Variants in PHLPP1 observed in about 807,000 individuals in gnomAD.
PHLPP1 encodes PH domain leucine-rich repeat-containing protein phosphatase 1.
In PHLPP1, 42 loss-of-function variants were observed where a neutral mutation model predicts 117.2. That is an observed-to-expected ratio of 0.36 (90% CI 0.28 to 0.46). The LOEUF (loss-of-function observed/expected upper bound fraction) is 0.46. PHLPP1 is among the 20% of genes least tolerant of loss of function. The pLI is 1.00. For synonymous variants in PHLPP1, 1,042 were observed against 970.7 expected (o/e 1.07, Z -1.37); for missense variants, 2,084 against 2,241.9 (o/e 0.93, Z 1.42).
intron 14 of PHLPP1, among the ~76,000 whole-genome samples, chr18:62,969,409 A>C (rs1419799052): frequency 1.3e-5 from 2 of 152,004 alleles, no homozygotes; most frequent in African/African-American, 4.8e-5. Context: ...GAATCCTTTA[A>C]ACTTATTTAG....
intron 2 of PHLPP1, among the ~76,000 whole-genome samples, chr18:62,831,720 A>T (rs901397441): frequency 1.3e-5 from 2 of 152,196 alleles, no homozygotes; most frequent in Non-Finnish European, 2.9e-5. Context: ...CCACATGTGT[A>T]TGGTAATAAA....
chr18:62,839,041 T>A, intron 3 of PHLPP1, 132 bp downstream of exon 3: 1 of 905,734 alleles, frequency 1.1e-6, no homozygotes, highest in Non-Finnish European at 1.6e-6. Flanking sequence ...TGCCAGTGAT[T>A]AGCAATTTTT....
intron 6 of PHLPP1, among the ~76,000 whole-genome samples, chr18:62,899,900 C>A (rs1916668590): frequency 6.6e-6 from 1 of 152,216 alleles, no homozygotes; most frequent in Non-Finnish European, 1.5e-5. Context: ...AACTCTTGGG[C>A]TCAAGTTGTT....
At chr18:62,861,540 T>C (rs1300542710) in intron 4 of PHLPP1, among the ~76,000 whole-genome samples, 1 of 152,248 alleles carries the variant, frequency 6.6e-6, no homozygotes, top group African/African-American at 2.4e-5. Context: ...ATTAAACCTT[T>C]GATACTTATA....
At chr18:62,749,860 A>T (rs1002951153) in intron 1 of PHLPP1, among the ~76,000 whole-genome samples, 1 of 152,180 alleles carries the variant, frequency 6.6e-6, no homozygotes, top group Non-Finnish European at 1.5e-5. Flanking sequence ...TACTAAAAAT[A>T]TAAAAATTAG....
intron 15 of PHLPP1, 150 bp downstream of exon 15, chr18:62,972,858 C>T (rs1911093239): frequency 1.6e-6 from 1 of 638,166 alleles, no homozygotes; most frequent in Admixed American, 2.9e-5. Flanking sequence ...TTGGTGTTGC[C>T]CAGGCATCAG....
chr18:62,724,645 CTTTATA>C (rs1249763614), intron 1 of PHLPP1, among the ~76,000 whole-genome samples: 2 of 152,034 alleles, frequency 1.3e-5, no homozygotes, highest in Non-Finnish European at 2.9e-5. Context: ...TTTGGTGGTT[CTTTATA>C]TTAATACTAT....
chr18:62,978,883 T>A lies in PHLPP1; in HGVS notation c.4606T>A (p.Phe1536Ile). The A allele has an allele frequency of 6.2e-7, 1 of 1,607,202 alleles. No individual in the cohort carries two copies. Among genetic ancestry groups the A allele is most frequent in the Non-Finnish European group, 8.5e-7 (1 of 1,176,930 alleles). ...SFQRQLSSAT[F>I]SSAFSDNGLD... is the part of the protein sequence containing the mutation. ...CCAGCGCCAGCTATCCAGCGCCACG[T>A]TCTCTAGCGCCTTCTCCGACAACGG... Residue 1536 changes from phenylalanine to isoleucine, a missense_variant, in exon 17 of 17, where the codon TTC becomes ATC. Phe to Ile is a conservative substitution (Grantham distance 21, BLOSUM62 0). This residue lies in a region of PHLPP1 where 1,365 missense variants were observed against 1,605.9 expected (regional missense o/e 0.85). Transcript: ENST00000262719. This position sits in a 1 kb window ranked among gnomAD's most constrained non-coding sequence, Gnocchi z 7.0.
intron 1 of PHLPP1, among the ~76,000 whole-genome samples, chr18:62,787,186 T>TGGGGTTA (rs1366535744): frequency 1.6e-4 from 24 of 152,118 alleles, no homozygotes; most frequent in Non-Finnish European, 2.2e-4. Context: ...CTTAACAGAT[T>TGGGGTTA]GCTCTCAATT....
chr18:62,777,284 T>G (rs1912988765), intron 1 of PHLPP1, among the ~76,000 whole-genome samples: 1 of 152,148 alleles, frequency 6.6e-6, no homozygotes, highest in Non-Finnish European at 1.5e-5. Flanking sequence ...AATTTGCATT[T>G]CTTTGATGGT....
intron 4 of PHLPP1, among the ~76,000 whole-genome samples, chr18:62,881,131 G>A (rs182833930): frequency 5.3e-5 from 8 of 152,314 alleles, no homozygotes; most frequent in Non-Finnish European, 8.8e-5. Context: ...GTAGTCCCAT[G>A]TACTGTGGAC....
intron 1 of PHLPP1, among the ~76,000 whole-genome samples, chr18:62,768,861 T>C (rs773959562): frequency 3.9e-5 from 6 of 152,160 alleles, no homozygotes; most frequent in Non-Finnish European, 8.8e-5. Flanking sequence ...ATTTATGCCT[T>C]AGTAAGCTTT....
chr18:62,905,339 T>C, intron 8 of PHLPP1, 55 bp downstream of exon 8: 2 of 922,508 alleles, frequency 2.2e-6, no homozygotes, highest in Non-Finnish European at 3.1e-6. Context: ...TATTTAGTAA[T>C]TCTGTCTGAG....
At chr18:62,944,665 A>G (rs781102433) in intron 11 of PHLPP1, among the ~76,000 whole-genome samples, 3 of 152,156 alleles carry the variant, frequency 2.0e-5, no homozygotes, top group Non-Finnish European at 4.4e-5. Context: ...CTTAATATGA[A>G]CTATAGACCT....
At chr18:62,957,716 A>AT (rs774423724) in intron 12 of PHLPP1, among the ~76,000 whole-genome samples, 270 of 136,780 alleles carry the variant, frequency 2.0e-3, no homozygotes, top group East Asian at 4.0e-3. Context: ...CCGGATTCTT[A>AT]TTTTTTTTTT....
intron 12 of PHLPP1, among the ~76,000 whole-genome samples, chr18:62,951,045 G>T (rs532126929): frequency 2.0e-5 from 3 of 150,794 alleles, no homozygotes; most frequent in African/African-American, 7.3e-5. Flanking sequence ...GCAGTGGCAC[G>T]ATCTTTGTTC....
chr18:62,773,988 C>T (rs1723215341), intron 1 of PHLPP1, among the ~76,000 whole-genome samples: 1 of 152,170 alleles, frequency 6.6e-6, no homozygotes, highest in Non-Finnish European at 1.5e-5. Flanking sequence ...TTCATGAGTG[C>T]TTTGCCCTCA....
At chr18:62,855,265 A>AT (rs910985497) in intron 3 of PHLPP1, among the ~76,000 whole-genome samples, 1 of 152,020 alleles carries the variant, frequency 6.6e-6, no homozygotes, top group Non-Finnish European at 1.5e-5. Flanking sequence ...TTTTTGATTA[A>AT]TTTTTTTTAT....
intron 4 of PHLPP1, among the ~76,000 whole-genome samples, chr18:62,873,451 T>A (rs1362299376): frequency 6.6e-6 from 1 of 152,218 alleles, no homozygotes; most frequent in Non-Finnish European, 1.5e-5. Flanking sequence ...ATAAAATAAC[T>A]ACTTCATAAA....
Sources: allele counts gnomAD v4.1 joint callset (sites outside exome capture counted in the v4.1 genomes callset), GRCh38; gene constraint gnomAD v4.1.1; regional missense constraint gnomAD v4.1.1; non-coding constraint Gnocchi (gnomAD v3.1); transcripts MANE v1.5; gene names NCBI Gene and HGNC (gene_info 2026-07-23, HGNC 2026-07-21).